The following ENOX1 variants were observed in gnomAD, a reference collection of about 807,000 sequenced individuals.
ENOX1 encodes the protein candidate growth-related and time keeping constitutive hydroquinone (NADH) oxidase.
ENOX1 carries 42 observed loss-of-function variants against 82.5 expected under a neutral mutation model. The ratio of observed to expected loss-of-function variants is 0.51; its 90% CI spans 0.40 to 0.66. The LOEUF is 0.66. ENOX1 is among the 30% of genes least tolerant of loss of function. The probability of loss-of-function intolerance (pLI) is 0.00; values close to 1 mark genes in which losing one functional copy is unlikely to be tolerated. For synonymous variants in ENOX1, 271 were observed against 282.2 expected (o/e 0.96, Z 0.40); for missense variants, 608 against 811.6 (o/e 0.75, Z 3.05).
At chr13:43,707,446 A>T (rs1223860362) in intron 1 of ENOX1, among the ~76,000 whole-genome samples, 1 of 152,178 alleles carries the variant, frequency 6.6e-6, no homozygotes. Flanking sequence ...TTAAAACAAT[A>T]AGAACAGGGT....
intron 1 of ENOX1, among the ~76,000 whole-genome samples, chr13:43,713,907 A>G (rs1444651767): frequency 6.6e-5 from 10 of 150,734 alleles, no homozygotes; most frequent in East Asian, 1.9e-4. Context: ...TTGTGTCTCT[A>G]TTTCCTCCAG....
At chr13:43,698,643 A>G (rs2086760631) in intron 1 of ENOX1, among the ~76,000 whole-genome samples, 1 of 152,192 alleles carries the variant, frequency 6.6e-6, no homozygotes, top group Non-Finnish European at 1.5e-5. Context: ...GGCAAGAAGT[A>G]AAACAAACAA....
At chr13:43,390,859 T>G (rs2052728813) in intron 5 of ENOX1, among the ~76,000 whole-genome samples, 2 of 152,134 alleles carry the variant, frequency 1.3e-5, no homozygotes, top group African/African-American at 4.8e-5. Context: ...TCCCTTCCCT[T>G]TTTCGGTTTT....
intron 15 of ENOX1, among the ~76,000 whole-genome samples, chr13:43,229,051 T>C (rs2042155757): frequency 6.6e-6 from 1 of 152,210 alleles, no homozygotes; most frequent in Non-Finnish European, 1.5e-5. Context: ...TAGGGGCAGT[T>C]TCCCCATACT....
At chr13:43,657,638 C>T (rs1483437593) in intron 2 of ENOX1, among the ~76,000 whole-genome samples, 4 of 152,196 alleles carry the variant, frequency 2.6e-5, no homozygotes, top group Admixed American at 2.6e-4. Flanking sequence ...GTATAGAAGG[C>T]ACAGCTGGTT....
chr13:43,377,856 AG>A (rs1193480329), intron 5 of ENOX1, among the ~76,000 whole-genome samples: 1 of 152,222 alleles, frequency 6.6e-6, no homozygotes. Flanking sequence ...GATGGATTAT[AG>A]GGTCTGGCCA....
intron 2 of ENOX1, among the ~76,000 whole-genome samples, chr13:43,555,115 T>TAA (rs5803186): frequency 6.6e-6 from 1 of 151,956 alleles, no homozygotes; most frequent in Non-Finnish European, 1.5e-5. Context: ...TAGTAAATTA[T>TAA]AAAAAAAATT....
At chr13:43,661,211 G>A (rs1292745888) in intron 2 of ENOX1, among the ~76,000 whole-genome samples, 2 of 152,200 alleles carry the variant, frequency 1.3e-5, no homozygotes, top group Non-Finnish European at 2.9e-5. Flanking sequence ...TTATAGCACA[G>A]GTTTTGATAA....
intron 1 of ENOX1, among the ~76,000 whole-genome samples, chr13:43,715,836 C>T (rs565972109): frequency 2.0e-5 from 3 of 152,138 alleles, no homozygotes; most frequent in Non-Finnish European, 1.5e-5. Flanking sequence ...TTAAGGACTT[C>T]TCTGCATTGG....
intron 2 of ENOX1, among the ~76,000 whole-genome samples, chr13:43,636,380 C>G (rs1170769664): frequency 6.6e-6 from 1 of 152,092 alleles, no homozygotes; most frequent in Non-Finnish European, 1.5e-5. Flanking sequence ...TCTGGAAGAG[C>G]CAGCAGATTA....
chr13:43,444,973 C>T (rs1325509704), intron 3 of ENOX1, among the ~76,000 whole-genome samples: 1 of 152,184 alleles, frequency 6.6e-6, no homozygotes, highest in Non-Finnish European at 1.5e-5. Flanking sequence ...GCCACTGACC[C>T]ACTATGTGAA....
At chr13:43,355,887 G>A in intron 8 of ENOX1, 32 bp downstream of exon 8, 2 of 1,586,076 alleles carry the variant, frequency 1.3e-6, no homozygotes, top group Non-Finnish European at 1.7e-6. Flanking sequence ...GATCCCTGTG[G>A]AGGAAGAAAA....
intron 2 of ENOX1, among the ~76,000 whole-genome samples, chr13:43,507,118 T>C (rs1415214301): frequency 6.6e-6 from 1 of 151,586 alleles, no homozygotes; most frequent in African/African-American, 2.4e-5. Context: ...ATAAAGAAAA[T>C]TGTGTTTAAT....
chr13:43,347,536 A>C (rs1050000152), intron 8 of ENOX1, among the ~76,000 whole-genome samples: 2 of 152,238 alleles, frequency 1.3e-5, no homozygotes, highest in African/African-American at 4.8e-5. Flanking sequence ...ACTTTAATTT[A>C]TATTAATTAA....
intron 2 of ENOX1, among the ~76,000 whole-genome samples, chr13:43,595,854 C>T (rs566897299): frequency 7.9e-5 from 12 of 152,228 alleles, no homozygotes; most frequent in African/African-American, 2.9e-4. Flanking sequence ...AGTCATTAGC[C>T]TGAATTGGTA....
intron 2 of ENOX1, among the ~76,000 whole-genome samples, chr13:43,643,842 T>C (rs1377016062): frequency 6.6e-6 from 1 of 152,070 alleles, no homozygotes; most frequent in East Asian, 1.9e-4. Flanking sequence ...CCTCTCCTCA[T>C]CTCCCTACCT....
intron 2 of ENOX1, among the ~76,000 whole-genome samples, chr13:43,583,376 A>G (rs1034403141): frequency 3.9e-5 from 6 of 152,252 alleles, no homozygotes; most frequent in African/African-American, 1.4e-4. Flanking sequence ...AAATAAATCT[A>G]TCAACACCAA....
intron 12 of ENOX1, among the ~76,000 whole-genome samples, chr13:43,272,583 G>A (rs912455925): frequency 6.6e-6 from 1 of 152,104 alleles, no homozygotes; most frequent in Non-Finnish European, 1.5e-5. Context: ...GTGATTTTAA[G>A]CATCTTATAT....
At chr13:43,734,870 T>C (rs1489782401) in intron 1 of ENOX1, among the ~76,000 whole-genome samples, 1 of 152,156 alleles carries the variant, frequency 6.6e-6, no homozygotes, top group Admixed American at 6.5e-5. Context: ...AGAGAACTTG[T>C]TGTTAGCTAG....
Sources: allele counts gnomAD v4.1 joint callset (sites outside exome capture counted in the v4.1 genomes callset), GRCh38; gene constraint gnomAD v4.1.1; transcripts MANE v1.5; gene names NCBI Gene and HGNC (gene_info 2026-07-23, HGNC 2026-07-21).